The following CDKAL1 variants were observed in gnomAD, a reference collection of about 807,000 sequenced individuals.
CDKAL1 encodes the protein threonylcarbamoyladenosine tRNA methylthiotransferase.
Under a neutral mutation model 68.2 loss-of-function variants are expected in CDKAL1, and 32 were observed. The ratio of observed to expected loss-of-function variants is 0.47; its 90% CI spans 0.35 to 0.63. The LOEUF is 0.63. Among genes scored for constraint, CDKAL1 ranks in the 30% least tolerant of loss-of-function variants. CDKAL1 has a pLI of 0.00. For missense variants in CDKAL1, 606 were observed against 696.7 expected (o/e 0.87, Z 1.47); for synonymous variants, 234 against 244.3 (o/e 0.96, Z 0.39).
intron 6 of CDKAL1, among the ~76,000 whole-genome samples, chr6:20,753,953 C>CTGTGTGTGTGTGTGTGTG (rs1256988409): frequency 1.8e-5 from 2 of 113,762 alleles, no homozygotes; most frequent in Non-Finnish European, 3.7e-5. Flanking sequence ...TCGTTATTAT[C>CTGTGTGTGTGTGTGTGTG]TGTATGTGTG....
chr6:20,826,020 G>T (rs150925846), intron 8 of CDKAL1, among the ~76,000 whole-genome samples: 337 of 152,200 alleles, frequency 2.2e-3, no homozygotes, highest in African/African-American at 7.7e-3. Context: ...GTCCCATCAG[G>T]GTTTCTGCTA....
chr6:21,186,845 A>G (rs186146375), intron 13 of CDKAL1, among the ~76,000 whole-genome samples: 7 of 152,184 alleles, frequency 4.6e-5, no homozygotes, highest in Non-Finnish European at 7.3e-5. Flanking sequence ...TAAAAACAAC[A>G]TCATAATGTT....
intron 11 of CDKAL1, among the ~76,000 whole-genome samples, chr6:21,012,905 A>G (rs963958157): frequency 1.3e-5 from 2 of 152,180 alleles, no homozygotes; most frequent in Admixed American, 1.3e-4. Flanking sequence ...TTGGCAGTCC[A>G]AGTCCCTCAC....
At chr6:20,661,408 G>C (rs566984968) in intron 5 of CDKAL1, among the ~76,000 whole-genome samples, 175 of 152,218 alleles carry the variant, frequency 1.1e-3, no homozygotes, top group African/African-American at 4.0e-3. Context: ...TAGGGGGTGA[G>C]AGTTATGTAT....
chr6:20,625,409 AT>A (rs1463808007), intron 4 of CDKAL1, among the ~76,000 whole-genome samples: 1 of 152,094 alleles, frequency 6.6e-6, no homozygotes, highest in African/African-American at 2.4e-5. Flanking sequence ...AAGAATTTCA[AT>A]GGTGTGTGTT....
At chr6:21,222,660 C>T (rs1356858581) in intron 15 of CDKAL1, among the ~76,000 whole-genome samples, 1 of 152,100 alleles carries the variant, frequency 6.6e-6, no homozygotes, top group African/African-American at 2.4e-5. Context: ...CCCTTAATCC[C>T]CTGTATGTCC....
chr6:20,819,707 A>G (rs903909687), intron 8 of CDKAL1, among the ~76,000 whole-genome samples: 1 of 152,214 alleles, frequency 6.6e-6, no homozygotes, highest in East Asian at 1.9e-4. Context: ...TTCGAAATAA[A>G]TGTAAAGTGT....
At chr6:20,806,313 C>G (rs1001480083) in intron 8 of CDKAL1, among the ~76,000 whole-genome samples, 3 of 152,212 alleles carry the variant, frequency 2.0e-5, no homozygotes, top group Admixed American at 6.5e-5. Context: ...AAAGGACATA[C>G]ATGAACTTAT....
chr6:21,178,485 G>A (rs1777669847), intron 13 of CDKAL1, among the ~76,000 whole-genome samples: 1 of 152,176 alleles, frequency 6.6e-6, no homozygotes, highest in Non-Finnish European at 1.5e-5. Context: ...TATTTAAAAT[G>A]TGGGAGCATC....
chr6:21,100,294 G>A (rs896471215), intron 12 of CDKAL1, among the ~76,000 whole-genome samples: 4 of 152,040 alleles, frequency 2.6e-5, no homozygotes, highest in African/African-American at 9.7e-5. Context: ...ATTACAGTTG[G>A]GTGAACAAAT....
At position 20,955,596 on chromosome 6, in the gene CDKAL1, G is replaced by A; in HGVS notation, c.909+11G>A. The stretch of plus-strand genomic sequence containing the variant: ...TTAGAGCATCTGGAGGTAAGGAAAA[G>A]CACCCTATTTGCATGCTAACATAGA... On this transcript the variant is annotated intron_variant, in intron 10 of 15. Transcript: ENST00000274695. 6.2e-7 allele frequency: 1 copy of A among 1,613,404 alleles called. No homozygotes were observed. The highest frequency in any genetic ancestry group is 2.2e-5 in the East Asian group (1 of 44,876).
intron 9 of CDKAL1, among the ~76,000 whole-genome samples, chr6:20,872,610 G>A (rs891463465): frequency 3.3e-5 from 5 of 152,216 alleles, no homozygotes; most frequent in Non-Finnish European, 5.9e-5. Context: ...GAATAGCTGG[G>A]TGGATACAAT....
At chr6:20,782,586 T>C (rs1031850142) in intron 8 of CDKAL1, among the ~76,000 whole-genome samples, 1 of 152,228 alleles carries the variant, frequency 6.6e-6, no homozygotes, top group Admixed American at 6.5e-5. Flanking sequence ...TCCTTCTCTT[T>C]TTCTCAGTTG....
chr6:21,154,178 G>GT (rs1361652188), intron 13 of CDKAL1, among the ~76,000 whole-genome samples: 1 of 150,244 alleles, frequency 6.7e-6, no homozygotes, highest in African/African-American at 2.4e-5. Context: ...TGTTTTGCGT[G>GT]TAAGTACTGG....
At chr6:20,811,392 G>T (rs191019310) in intron 8 of CDKAL1, among the ~76,000 whole-genome samples, 409 of 152,242 alleles carry the variant, frequency 2.7e-3, no homozygotes, top group Non-Finnish European at 4.3e-3. Flanking sequence ...ACTCAGCCCT[G>T]GCGAATGTTA....
At chr6:20,859,876 T>G (rs1053578861) in intron 9 of CDKAL1, among the ~76,000 whole-genome samples, 2 of 152,196 alleles carry the variant, frequency 1.3e-5, no homozygotes, top group Non-Finnish European at 2.9e-5. Flanking sequence ...TGTTTCTTAG[T>G]TCCTTGAATA....
At chr6:21,003,510 A>G (rs1767567177) in intron 11 of CDKAL1, among the ~76,000 whole-genome samples, 1 of 149,762 alleles carries the variant, frequency 6.7e-6, no homozygotes, top group Non-Finnish European at 1.5e-5. Flanking sequence ...AAGTTGCAGT[A>G]AGCTGAGATC....
At chr6:20,945,448 A>T (rs1005130428) in intron 9 of CDKAL1, among the ~76,000 whole-genome samples, 2 of 152,224 alleles carry the variant, frequency 1.3e-5, no homozygotes, top group Non-Finnish European at 2.9e-5. Context: ...CCAAATTATC[A>T]TATTTATAAT....
At chr6:20,601,800 T>C (rs1766108685) in intron 4 of CDKAL1, among the ~76,000 whole-genome samples, 1 of 152,204 alleles carries the variant, frequency 6.6e-6, no homozygotes, top group South Asian at 2.1e-4. Context: ...TGTGAAGCCA[T>C]TGAATGAGTT....
Sources: gnomAD v4.1 joint callset for allele counts (sites outside exome capture counted in the v4.1 genomes callset) on GRCh38, gnomAD v4.1.1 for gene constraint, MANE v1.5 for transcripts, NCBI Gene and HGNC (gene_info 2026-07-23, HGNC 2026-07-21) for gene names.